The following ATAD5 variants were observed in gnomAD, a reference collection of about 807,000 sequenced individuals.
ATAD5 encodes ATPase family AAA domain-containing protein 5.
A neutral mutation model predicts 176.9 loss-of-function variants in ATAD5; 58 were observed. That is an observed-to-expected ratio of 0.33 (90% CI 0.27 to 0.41). ATAD5 has a LOEUF of 0.41. ATAD5 is among the 10% of genes least tolerant of loss of function. ATAD5 has a pLI of 1.00. For missense variants in ATAD5, 1,789 were observed against 2,094.1 expected, an observed-to-expected ratio of 0.85 and a Z score of 2.84; for synonymous variants, 640 against 712.6, an observed-to-expected ratio of 0.90 and a Z score of 1.62.
In ATAD5 at chr17:30,877,983, A is replaced by T; in HGVS notation, c.3919-20A>T. 6.7e-7 allele frequency: 1 copy of T among 1,491,464 alleles called. No individual in the cohort carries two copies. The highest frequency in any genetic ancestry group is 1.4e-5 in the African/African-American group (1 of 72,000). 92.4% of individuals were successfully genotyped at this position (1,491,464 alleles called of 1,614,324 possible). A position where few individuals can be genotyped will look rare whatever the true frequency, so the allele number is the denominator to read the frequency against. ...ATATTAGTAAGTGTATTAATATATTAATATTCTAATAAACTGTAGGTTGAT... is the reference window on the plus strand; with the variant it reads ...ATATTAGTAAGTGTATTAATATATTTATATTCTAATAAACTGTAGGTTGAT... On this transcript the variant is annotated intron_variant, in intron 16 of 22. Transcript: ENST00000321990.
At chr17:30,843,739 T>C (rs996238731) in intron 4 of ATAD5, among the ~76,000 whole-genome samples, 174 bp from the exon 5 acceptor site, 4 of 152,096 alleles carry the variant, frequency 2.6e-5, no homozygotes, top group Non-Finnish European at 5.9e-5. Flanking sequence ...GATGTAAGCA[T>C]GGACTCCTGC....
Position 30,840,799 on chromosome 17 carries a change from C to G in ATAD5, c.2241+18C>G. ...AAACAGAAGTAAGTATTATAAATAT[C>G]TGTTGGTATAAATTCTCTCCTATTT... is the stretch of plus-strand genomic sequence containing the variant. On this transcript the variant is annotated intron_variant, in intron 4 of 22. Transcript: ENST00000321990. 1 of 1,580,476 alleles carries G rather than the reference C, an allele frequency of 6.3e-7. No individual in the cohort carries two copies. Among genetic ancestry groups the G allele is most frequent in the Non-Finnish European group, 8.6e-7 (1 of 1,167,824 alleles).
At chr17:30,887,043 T>G (rs1001625706) in intron 18 of ATAD5, 149 bp from the exon 19 acceptor site, 1 of 579,422 alleles carries the variant, frequency 1.7e-6, no homozygotes, top group African/African-American at 2.0e-5. Flanking sequence ...TTCCCTTATA[T>G]TTTTAAAGCA....
chr17:30,844,521 AG>A (rs1479282904), intron 5 of ATAD5, among the ~76,000 whole-genome samples: 1 of 150,980 alleles, frequency 6.6e-6, no homozygotes, highest in African/African-American at 2.4e-5. Context: ...TATTTTAGTA[AG>A]TAAAGTTATG....
chr17:30,866,322 T>C (rs1178588697), intron 11 of ATAD5, among the ~76,000 whole-genome samples: 3 of 148,438 alleles, frequency 2.0e-5, no homozygotes, highest in Non-Finnish European at 4.5e-5. Context: ...CTCAGCCTCC[T>C]GAGTAGCTGG....
chr17:30,889,802 T>C lies in ATAD5; in HGVS notation c.4258+2430T>C, dbSNP rs553907445. On this transcript the variant is annotated intron_variant, in intron 19 of 22. Transcript: ENST00000321990. Reference sequence around the variant, plus strand: ...TTTCAAGGAAACCAAGGTGAAATTATGTAATATTTATCCTTATCAGTTTTT... The same window carrying C: ...TTTCAAGGAAACCAAGGTGAAATTACGTAATATTTATCCTTATCAGTTTTT... 3.3e-5 allele frequency among the ~76,000 whole-genome samples: 5 copies of C among 152,006 alleles called. No homozygotes were observed. The East Asian group carries it at 7.7e-4, about 23-fold the overall frequency.
chr17:30,857,461 C>T (rs987370677), intron 8 of ATAD5, among the ~76,000 whole-genome samples: 1 of 152,156 alleles, frequency 6.6e-6, no homozygotes. Context: ...GGTGATTCCC[C>T]CGCCTCGGCC....
At position 30,858,374 on chromosome 17, in the gene ATAD5, A is replaced by G. The variant is rs1377003308; in HGVS notation, c.2956+51A>G. ...GTTAACATACCAGTTTTGGGTTTTTATATTATTTATTATTTTATTTTTATT... is the reference window on the plus strand; with the variant it reads ...GTTAACATACCAGTTTTGGGTTTTTGTATTATTTATTATTTTATTTTTATT... On this transcript the variant is annotated intron_variant, in intron 9 of 22. Coordinates refer to ENST00000321990, the MANE Select transcript of ATAD5 (RefSeq NM_024857.5). 19 of 1,197,404 alleles carry G rather than the reference A, an allele frequency of 1.6e-5. No homozygotes were observed. The East Asian group carries it at 3.7e-4, about 23-fold the overall frequency. The allele number at this position is 1,197,404 out of a possible 1,614,324, so 74.2% of individuals were successfully genotyped here.
rs1029386816 is a variant in ATAD5, at chr17:30,860,585, T to C, written c.3109T>C (p.Ser1037Pro). 1 of 1,578,716 alleles carries C rather than the reference T, an allele frequency of 6.3e-7. No individual in the cohort carries two copies. Among genetic ancestry groups the C allele is most frequent in the Non-Finnish European group, 8.5e-7 (1 of 1,171,648 alleles). The change falls in exon 10 of 23, where the codon TCT (serine) becomes CCT (proline). Residue 1037 changes from serine (S) to proline (P), a missense_variant. Physicochemically the swap from Ser to Pro is moderately conservative, Grantham distance 74. Coordinates refer to ENST00000321990, the MANE Select transcript of ATAD5 (RefSeq NM_024857.5). ...SEELSKRNNS[S>P]GIKLDSSKDS... ...AGAACTTAGCAAAAGAAACAACTCT[T>C]CTGGGATAAAGCTAGATTCTTCCAA... is the stretch of plus-strand genomic sequence containing the variant.
chr17:30,842,139 C>T (rs779285019), intron 4 of ATAD5, among the ~76,000 whole-genome samples: 3 of 151,794 alleles, frequency 2.0e-5, no homozygotes, highest in African/African-American at 4.8e-5. Flanking sequence ...CATGGTGGCG[C>T]GAGCCCGTAA....
intron 18 of ATAD5, among the ~76,000 whole-genome samples, chr17:30,886,719 G>T (rs191993698): frequency 6.6e-6 from 1 of 151,224 alleles, no homozygotes; most frequent in East Asian, 1.9e-4. Flanking sequence ...ACCAGCCTGG[G>T]CAATATAGTG....
chr17:30,834,797 T>G lies in ATAD5; in HGVS notation c.716T>G (p.Met239Arg), dbSNP rs1905605428. 1 of 1,613,882 alleles carries G rather than the reference T, an allele frequency of 6.2e-7. No individual in the cohort carries two copies. The highest frequency in any genetic ancestry group is 8.5e-7 in the Non-Finnish European group (1 of 1,179,968). ...AAAGATGGTAAAGATACTAAACAGA[T>G]GGAGAATACTACAAGCCATGCAAAC... is the stretch of plus-strand genomic sequence containing the variant. Reference protein sequence around the residue: ...LKKDGKDTKQMENTTSHANSR... With the variant: ...LKKDGKDTKQRENTTSHANSR... Residue 239 changes from methionine (M) to arginine (R), a missense_variant, in exon 2 of 23, where the codon ATG (methionine) becomes AGG (arginine). By Grantham distance (91) the Met-to-Arg change is moderately conservative (BLOSUM62 -1). Around this residue, in one of 6 missense-constraint regions of ATAD5, gnomAD observed 696 missense variants for 712.5 expected, o/e 0.98. Coordinates refer to ENST00000321990, the MANE Select transcript of ATAD5 (RefSeq NM_024857.5).
At chr17:30,832,737 G>A (rs748144101) in intron 1 of ATAD5, among the ~76,000 whole-genome samples, 14 of 152,284 alleles carry the variant, frequency 9.2e-5, no homozygotes, top group South Asian at 4.1e-4. Flanking sequence ...GGATCCCAGG[G>A]TCAAGTTCTG....
Position 30,832,360 on chromosome 17 carries a change from CTGGCCATGGCGG to C in ATAD5, c.14_25del (p.Leu5_Ala9delinsPro), listed in dbSNP as rs1567674920. Reference sequence around the variant, plus strand: ...GGAAGCGGGGAGTATGGTGGGGGTCCTGGCCATGGCGGCTGCAGCTGCTCCGCCTCCCGTGAA... The same window carrying C: ...GGAAGCGGGGAGTATGGTGGGGGTCCCTGCAGCTGCTCCGCCTCCCGTGAA... On this transcript the variant is annotated inframe_deletion, in exon 1 of 23. Coordinates refer to ENST00000321990, the MANE Select transcript of ATAD5 (RefSeq NM_024857.5). 1.3e-6 allele frequency: 2 copies of C among 1,562,478 alleles called. No individual in the cohort carries two copies. The highest frequency in any genetic ancestry group is 3.6e-5 in the Admixed American group (2 of 54,850).
intron 18 of ATAD5, among the ~76,000 whole-genome samples, chr17:30,882,401 A>G (rs1909081334): frequency 6.6e-6 from 1 of 152,076 alleles, no homozygotes; most frequent in East Asian, 1.9e-4. Flanking sequence ...CTGTCTCTAC[A>G]AAAAGCACAA....
chr17:30,879,663 C>T (rs528126325), intron 18 of ATAD5, among the ~76,000 whole-genome samples, 176 bp downstream of exon 18: 18 of 151,710 alleles, frequency 1.2e-4, no homozygotes, highest in African/African-American at 1.5e-4. Flanking sequence ...CCCGGGTTCA[C>T]GCCATTCTCC....
chr17:30,874,116 G>A lies in ATAD5; in HGVS notation c.3608-2258G>A, dbSNP rs544737832. On this transcript the variant is annotated intron_variant, in intron 14 of 22. Coordinates refer to ENST00000321990, the MANE Select transcript of ATAD5 (RefSeq NM_024857.5). Reference sequence around the variant, plus strand: ...GGAGGTGGAGGTTACAGTGAGCTGAGATTGTGCCACTGCACTCCAGCCTGG... The same window carrying A: ...GGAGGTGGAGGTTACAGTGAGCTGAAATTGTGCCACTGCACTCCAGCCTGG... Among the ~76,000 whole-genome samples the A allele has an allele frequency of 1.4e-4, 21 of 152,190 alleles. No homozygotes were observed. In the South Asian group the frequency reaches 4.2e-3, roughly 30 times the overall value.
At chr17:30,856,829 A>G in intron 7 of ATAD5, 126 bp from the exon 8 acceptor site, 1 of 825,152 alleles carries the variant, frequency 1.2e-6, no homozygotes, top group Admixed American at 3.9e-5. Context: ...CTTTATAGTC[A>G]TGTGGTTTTT....
In ATAD5 at chr17:30,894,716, AAAG is replaced by A. The variant is rs1306204764; in HGVS notation, c.5454_5456del (p.Arg1819del). The A allele has an allele frequency of 1.2e-6, 2 of 1,604,802 alleles. No homozygotes were observed. Among genetic ancestry groups the A allele is most frequent in the African/African-American group, 1.3e-5 (1 of 74,426 alleles). ...AAGCTAAAAGAACAAGGAAAAAGTAAAAGAAGGTAAAGGCTTTATTAAAAACAA... is the reference window on the plus strand; with the variant it reads ...AAGCTAAAAGAACAAGGAAAAAGTAAAAGGTAAAGGCTTTATTAAAAACAA... On this transcript the variant is annotated inframe_deletion, in exon 22 of 23. Coordinates refer to ENST00000321990, the MANE Select transcript of ATAD5 (RefSeq NM_024857.5).
Sources: allele counts gnomAD v4.1 joint callset (sites outside exome capture counted in the v4.1 genomes callset), GRCh38; gene constraint gnomAD v4.1.1; regional missense constraint gnomAD v4.1.1; transcripts MANE v1.5; gene names NCBI Gene and HGNC (gene_info 2026-07-23, HGNC 2026-07-21).